Variants in PTPRT observed in about 807,000 individuals in gnomAD.
The protein encoded by PTPRT is protein tyrosine phosphatase receptor type T.
A neutral mutation model predicts 176.8 loss-of-function variants in PTPRT; 56 were observed. That is an observed-to-expected ratio of 0.32 (90% CI 0.26 to 0.40). PTPRT has a LOEUF of 0.40. Ranked by LOEUF, PTPRT falls within the 10% of genes least tolerant of loss-of-function variation. PTPRT has a pLI of 1.00. For synonymous variants in PTPRT, 783 were observed against 739.0 expected, an observed-to-expected ratio of 1.06 and a Z score of -0.96; for missense variants, 1,540 against 1,908.2, an observed-to-expected ratio of 0.81 and a Z score of 3.60.
At chr20:42,833,204 T>C (rs944905806) in intron 2 of PTPRT, among the ~76,000 whole-genome samples, 10 of 149,736 alleles carry the variant, frequency 6.7e-5, no homozygotes, top group Admixed American at 2.7e-4. Context: ...AGTAACCAAA[T>C]AGTCATGCAG....
chr20:42,351,113 CTT>C (rs11476309), intron 10 of PTPRT, among the ~76,000 whole-genome samples: 59 of 148,164 alleles, frequency 4.0e-4, no homozygotes, highest in East Asian at 3.4e-3. Context: ...TCCCCTCTAC[CTT>C]TTTTTTTTTT....
chr20:42,698,119 G>T (rs1359604866), intron 6 of PTPRT, among the ~76,000 whole-genome samples: 3 of 152,104 alleles, frequency 2.0e-5, no homozygotes, highest in Non-Finnish European at 2.9e-5. Context: ...TCCCCTAAAG[G>T]AAAGGAAATG....
intron 1 of PTPRT, among the ~76,000 whole-genome samples, chr20:43,071,680 G>A (rs2011182951): frequency 6.9e-6 from 1 of 144,418 alleles, no homozygotes; most frequent in South Asian, 2.1e-4. Context: ...AGCTACTCGG[G>A]AGGCTGAGTC....
At chr20:42,743,677 G>A (rs963093323) in intron 6 of PTPRT, among the ~76,000 whole-genome samples, 2 of 152,170 alleles carry the variant, frequency 1.3e-5, no homozygotes, top group Admixed American at 1.3e-4. Context: ...CGCTAAGCAC[G>A]GCTTCTGAGC....
chr20:42,664,357 TAGA>T (rs1423385398), intron 7 of PTPRT, among the ~76,000 whole-genome samples: 1 of 152,174 alleles, frequency 6.6e-6, no homozygotes, highest in Non-Finnish European at 1.5e-5. Flanking sequence ...TAACATGGCA[TAGA>T]AGATTTTTCT....
At chr20:42,768,643 C>T (rs912922964) in intron 5 of PTPRT, among the ~76,000 whole-genome samples, 2 of 152,276 alleles carry the variant, frequency 1.3e-5, no homozygotes, top group African/African-American at 4.8e-5. Context: ...TGCAGAAATG[C>T]GGTTTTCGCA....
the PTPRT span, among the ~76,000 whole-genome samples, chr20:42,039,515 C>T: frequency 6.6e-6 from 1 of 151,846 alleles, no homozygotes; most frequent in Non-Finnish European, 1.5e-5. Flanking sequence ...CTGGTAACCA[C>T]CATTTTATTC....
chr20:42,257,943 T>C (rs1210888891), intron 13 of PTPRT, among the ~76,000 whole-genome samples: 1 of 151,958 alleles, frequency 6.6e-6, no homozygotes, highest in East Asian at 1.9e-4. Context: ...TAAGTAATGG[T>C]AGCAAGCAGG....
chr20:42,933,491 G>A (rs1336326883), intron 1 of PTPRT, among the ~76,000 whole-genome samples: 3 of 152,094 alleles, frequency 2.0e-5, no homozygotes, highest in Non-Finnish European at 2.9e-5. Flanking sequence ...GCATGGTGCC[G>A]GGCACAAAGT....
At chr20:42,584,148 A>G (rs535953414) in intron 7 of PTPRT, among the ~76,000 whole-genome samples, 1 of 152,306 alleles carries the variant, frequency 6.6e-6, no homozygotes, top group South Asian at 2.1e-4. Flanking sequence ...GAGTGGAACA[A>G]TCTCCCAGCT....
intron 5 of PTPRT, among the ~76,000 whole-genome samples, chr20:42,770,108 A>G (rs1388401692): frequency 1.3e-5 from 2 of 152,186 alleles, no homozygotes; most frequent in Non-Finnish European, 2.9e-5. Flanking sequence ...TCTCAATTAT[A>G]CCTCAATAAA....
At chr20:42,939,262 T>A (rs890732004) in intron 1 of PTPRT, among the ~76,000 whole-genome samples, 1 of 152,224 alleles carries the variant, frequency 6.6e-6, no homozygotes, top group Admixed American at 6.5e-5. Flanking sequence ...TCCAGGCTAA[T>A]CTGGGGTGAG....
chr20:42,047,482 C>T, the PTPRT span, among the ~76,000 whole-genome samples: 1 of 152,180 alleles, frequency 6.6e-6, no homozygotes, highest in Non-Finnish European at 1.5e-5. Context: ...GCACTGAGCT[C>T]ATGGTCACAT....
intron 1 of PTPRT, among the ~76,000 whole-genome samples, chr20:42,970,498 T>C (rs1368280347): frequency 1.3e-5 from 2 of 152,316 alleles, no homozygotes; most frequent in African/African-American, 2.4e-5. Flanking sequence ...TTAATAGTTA[T>C]GCGACCTTGA....
rs62204927 is a variant in PTPRT at position 42,478,891 on chromosome 20, G to A, written c.1154-6329C>T. On this transcript the variant is annotated intron_variant, in intron 7 of 30. Coordinates refer to ENST00000373187, the MANE Select transcript of PTPRT (RefSeq NM_007050.6). ...TATAACATACAGCTGCTGAATAAAT[G>A]AATGAATAAGTACATAAATGAATAA... Among the ~76,000 whole-genome samples, 1,186 of 152,220 alleles carry A rather than the reference G, an allele frequency of 7.8e-3. 10 individuals are homozygous for A. The highest frequency in any genetic ancestry group is 0.014 in the Middle Eastern group (4 of 294).
chr20:42,399,146 T>G (rs1568845828), intron 9 of PTPRT, among the ~76,000 whole-genome samples: 4 of 152,364 alleles, frequency 2.6e-5, no homozygotes, highest in Middle Eastern at 6.8e-3. Context: ...GTCAAAAAGA[T>G]TCACAGTCAG....
At chr20:42,667,218 A>G (rs2075331785) in intron 7 of PTPRT, among the ~76,000 whole-genome samples, 1 of 152,156 alleles carries the variant, frequency 6.6e-6, no homozygotes, top group Non-Finnish European at 1.5e-5. Context: ...CAGGAGCTAG[A>G]GCTTTGCAGC....
intron 7 of PTPRT, among the ~76,000 whole-genome samples, chr20:42,472,924 G>T (rs73271599): frequency 6.6e-6 from 1 of 152,062 alleles, no homozygotes; most frequent in Non-Finnish European, 1.5e-5. Flanking sequence ...TCTGGGATAC[G>T]CTTATTTAGA....
chr20:42,190,901 A>AC (rs1990978158), intron 16 of PTPRT, among the ~76,000 whole-genome samples: 1 of 152,184 alleles, frequency 6.6e-6, no homozygotes, highest in South Asian at 2.1e-4. Context: ...TCTGCCATTT[A>AC]AAGCTACAAA....
Sources: gnomAD v4.1 joint callset for allele counts (sites outside exome capture counted in the v4.1 genomes callset) on GRCh38, gnomAD v4.1.1 for gene constraint, MANE v1.5 for transcripts, NCBI Gene and HGNC (gene_info 2026-07-23, HGNC 2026-07-21) for gene names.